ANKRD45: variants seen among roughly 807,000 people sequenced by gnomAD.
ANKRD45 encodes ankyrin repeat domain 45, also known as ankyrin repeat domain-containing protein 45.
Under a neutral mutation model 28.1 loss-of-function variants are expected in ANKRD45, and 21 were observed. The ratio of observed to expected loss-of-function variants is 0.75; its 90% CI spans 0.53 to 1.08. ANKRD45 has a LOEUF of 1.08. Among genes scored for constraint, ANKRD45 ranks in the 50% least tolerant of loss-of-function variants. ANKRD45 has a pLI of 0.00. For synonymous variants in ANKRD45, 86 were observed against 103.9 expected (o/e 0.83, Z 1.05); for missense variants, 261 against 308.7 (o/e 0.85, Z 1.16).
intron 5 of ANKRD45, among the ~76,000 whole-genome samples, chr1:173,623,848 C>A (rs1306343277): frequency 6.6e-6 from 1 of 150,562 alleles, no homozygotes; most frequent in Non-Finnish European, 1.5e-5. Flanking sequence ...CCTCAGCAAA[C>A]TAATGCAGGA....
chr1:173,612,118 G>A lies in ANKRD45; in HGVS notation c.731-1903C>T, dbSNP rs559368000. On this transcript the variant is annotated intron_variant, in intron 5 of 5. Coordinates refer to ENST00000333279, the MANE Select transcript of ANKRD45 (RefSeq NM_198493.3). The stretch of plus-strand genomic sequence containing the variant: ...AATTAGCCAGGTGTGGTGGCATACC[G>A]CTGTACTCCCAGCTACTTCAGAGGC... 5.3e-5 allele frequency among the ~76,000 whole-genome samples: 8 copies of A among 152,076 alleles called. No individual in the cohort carries two copies. The South Asian group carries it at 1.0e-3, about 20-fold the overall frequency.
intron 3 of ANKRD45, chr1:173,637,091 TATC>T: frequency 8.3e-7 from 1 of 1,201,844 alleles, no homozygotes. Flanking sequence ...AAAAGAAATC[TATC>T]ATCTAAGGAT....
intron 1 of ANKRD45, among the ~76,000 whole-genome samples, chr1:173,663,360 G>T (rs1456244446): frequency 6.6e-6 from 1 of 152,144 alleles, no homozygotes; most frequent in Non-Finnish European, 1.5e-5. Context: ...CCTGCTATGA[G>T]AACATACTGT....
At chr1:173,624,510 A>T (rs1480351608) in intron 5 of ANKRD45, among the ~76,000 whole-genome samples, 1 of 151,904 alleles carries the variant, frequency 6.6e-6, no homozygotes, top group Non-Finnish European at 1.5e-5. Context: ...AAAAAAAATC[A>T]AAACAAAGCT....
At chr1:173,664,575 T>C (rs1320707706) in intron 1 of ANKRD45, among the ~76,000 whole-genome samples, 2 of 152,208 alleles carry the variant, frequency 1.3e-5, no homozygotes, top group Non-Finnish European at 2.9e-5. Flanking sequence ...ACTTTCTTCC[T>C]AAGCCTTTCC....
chr1:173,618,682 G>A (rs970623536), intron 5 of ANKRD45, among the ~76,000 whole-genome samples: 2 of 152,104 alleles, frequency 1.3e-5, no homozygotes, highest in South Asian at 2.1e-4. Context: ...TGAAAAAGAC[G>A]GGGAGAATAA....
chr1:173,648,803 T>A (rs1434362990), intron 2 of ANKRD45, among the ~76,000 whole-genome samples: 1 of 152,248 alleles, frequency 6.6e-6, no homozygotes, highest in Non-Finnish European at 1.5e-5. Context: ...ATGCCAAATA[T>A]TGATTTGGGT....
At chr1:173,613,633 G>A (rs568697935) in intron 5 of ANKRD45, among the ~76,000 whole-genome samples, 11 of 137,402 alleles carry the variant, frequency 8.0e-5, no homozygotes, top group South Asian at 4.6e-4. Context: ...CAGCTGCCCC[G>A]TCCGGGAGGG....
chr1:173,682,102 A>G, the ANKRD45 span, among the ~76,000 whole-genome samples: 9 of 151,896 alleles, frequency 5.9e-5, no homozygotes, highest in Admixed American at 4.6e-4. Context: ...ATAAAAACCT[A>G]TCATAGATTG....
chr1:173,625,187 T>C (rs1174985263), intron 4 of ANKRD45, among the ~76,000 whole-genome samples: 1 of 152,196 alleles, frequency 6.6e-6, no homozygotes, highest in African/African-American at 2.4e-5. Flanking sequence ...CTAGTATCTA[T>C]TATATTGGAC....
At chr1:173,708,507 C>T in the ANKRD45 span, among the ~76,000 whole-genome samples, 1 of 152,196 alleles carries the variant, frequency 6.6e-6, no homozygotes, top group African/African-American at 2.4e-5. Flanking sequence ...GATCTGGGGC[C>T]TCCCAGCCTC....
chr1:173,702,717 CT>C, the ANKRD45 span, among the ~76,000 whole-genome samples: 14,971 of 119,048 alleles, frequency 0.13, 658 homozygotes, highest in Middle Eastern at 0.29. Flanking sequence ...TCTGTGTCCT[CT>C]TTTTTTTTTT....
At chr1:173,610,342 A>G (rs908144515) in intron 5 of ANKRD45, 127 bp from the exon 6 acceptor site, 1 of 824,864 alleles carries the variant, frequency 1.2e-6, no homozygotes, top group Non-Finnish European at 2.0e-6. Flanking sequence ...CTACTAATTC[A>G]ACCCTAGTGT....
chr1:173,655,029 C>A (rs111385373), intron 2 of ANKRD45, among the ~76,000 whole-genome samples: 1 of 152,132 alleles, frequency 6.6e-6, no homozygotes, highest in Non-Finnish European at 1.5e-5. Context: ...AGCTTCCTTG[C>A]GATGGGTTCA....
intron 5 of ANKRD45, among the ~76,000 whole-genome samples, chr1:173,612,420 A>G (rs1044958996): frequency 6.6e-6 from 1 of 152,230 alleles, no homozygotes; most frequent in Non-Finnish European, 1.5e-5. Flanking sequence ...CAAGCAATTC[A>G]AATAGATATT....
the ANKRD45 span, among the ~76,000 whole-genome samples, chr1:173,682,684 T>TACGCACACACACACACACACGCAC: frequency 6.9e-6 from 1 of 143,940 alleles, no homozygotes; most frequent in Admixed American, 6.9e-5. Flanking sequence ...GCCTTTTAAA[T>TACGCACACACACACACACACGCAC]ACACACACAC....
At chr1:173,687,462 C>CCG in the ANKRD45 span, among the ~76,000 whole-genome samples, 1 of 110,412 alleles carries the variant, frequency 9.1e-6, no homozygotes, top group African/African-American at 3.1e-5. Context: ...CTACCCCCCC[C>CCG]CCACCCCTTT....
chr1:173,669,973 A>G (rs1166230511), upstream of ANKRD45: 1 of 168,360 alleles, frequency 5.9e-6, no homozygotes, highest in African/African-American at 2.4e-5. Context: ...ATTATCTATA[A>G]TTTCAGTCTC....
chr1:173,658,736 T>G (rs954438641), intron 2 of ANKRD45: 1 of 163,024 alleles, frequency 6.1e-6, no homozygotes, highest in Admixed American at 6.4e-5. Flanking sequence ...CAATTTACGA[T>G]ATGCCAAGCA....
Sources: allele counts gnomAD v4.1 joint callset (sites outside exome capture counted in the v4.1 genomes callset), GRCh38; gene constraint gnomAD v4.1.1; transcripts MANE v1.5; gene names NCBI Gene and HGNC (gene_info 2026-07-23, HGNC 2026-07-21).